Variants in CBX3 observed in about 807,000 individuals in gnomAD.
CBX3 encodes the protein chromobox protein homolog 3.
Under a neutral mutation model 22.6 loss-of-function variants are expected in CBX3, and 5 were observed. The ratio of observed to expected loss-of-function variants is 0.22; its 90% CI spans 0.12 to 0.47. CBX3 has a LOEUF of 0.47. Ranked by LOEUF, CBX3 falls within the 20% of genes least tolerant of loss-of-function variation. CBX3 has a pLI of 0.99. For missense variants in CBX3, 83 were observed against 208.1 expected (o/e 0.40, Z 3.70); for synonymous variants, 50 against 66.6 (o/e 0.75, Z 1.21).
At chr7:26,207,865 G>A (rs1349663775) in intron 3 of CBX3, among the ~76,000 whole-genome samples, 1 of 151,596 alleles carries the variant, frequency 6.6e-6, no homozygotes, top group Non-Finnish European at 1.5e-5. Flanking sequence ...GACTTTTATT[G>A]TCCTCTACCC....
intron 4 of CBX3, among the ~76,000 whole-genome samples, chr7:26,211,041 C>T (rs1268881199): frequency 8.2e-6 from 1 of 122,230 alleles, no homozygotes; most frequent in East Asian, 2.3e-4. Context: ...GAGGGCTACA[C>T]ATAAAATAGA....
intron 3 of CBX3, chr7:26,208,184 T>C (rs976264259): frequency 1.0e-5 from 4 of 389,160 alleles, no homozygotes; most frequent in Non-Finnish European, 1.9e-5. Context: ...ATTCCACTAC[T>C]GCACTCTCGT....
chr7:26,208,618 TTTTG>T (rs769354936), intron 4 of CBX3, 63 bp downstream of exon 4: 281 of 1,466,306 alleles, frequency 1.9e-4, no homozygotes, highest in Admixed American at 1.4e-3. Context: ...TTGATTTCTT[TTTTG>T]TTTGTTTGTT....
intron 4 of CBX3, chr7:26,210,482 C>G (rs765191649): frequency 6.6e-6 from 1 of 152,084 alleles, no homozygotes; most frequent in Non-Finnish European, 1.5e-5. Flanking sequence ...CCACACAGCT[C>G]GTAAGTGGGG....
chr7:26,210,483 G>A (rs1312813903), intron 4 of CBX3: 5 of 152,264 alleles, frequency 3.3e-5, no homozygotes, highest in Middle Eastern at 6.8e-3. Context: ...CACACAGCTC[G>A]TAAGTGGGGT....
chr7:26,210,483 G>C (rs1312813903), intron 4 of CBX3: 1 of 152,146 alleles, frequency 6.6e-6, no homozygotes, highest in African/African-American at 2.4e-5. Flanking sequence ...CACACAGCTC[G>C]TAAGTGGGGT....
chr7:26,212,288 A>G lies in CBX3; in HGVS notation c.*80A>G, dbSNP rs1784818675. 1.2e-6 allele frequency: 1 copy of G among 829,480 alleles called. No individual in the cohort carries two copies. Among genetic ancestry groups the G allele is most frequent in the Admixed American group, 4.6e-5 (1 of 21,754 alleles). 51.4% of individuals were successfully genotyped at this position (829,480 alleles called of 1,614,324 possible). A position where few individuals can be genotyped will look rare whatever the true frequency, so the allele number is the denominator to read the frequency against. ...TAGATTTTGATTTACTAGTGTGACA[A>G]AATAACTACATCCTAATGAAAATCA... On this transcript the variant is annotated 3_prime_UTR_variant, in exon 6 of 6. Transcript: ENST00000396386.
chr7:26,212,963 T>C lies in CBX3; in HGVS notation c.*755T>C, dbSNP rs1784843452. On this transcript the variant is annotated 3_prime_UTR_variant, in exon 6 of 6. Transcript: ENST00000396386. ...TTTTAACTAGCTAAACAAAACTAAG[T>C]TAAATGAACATTTAAAAGTTTCCCT... 1 of 152,268 alleles carries C rather than the reference T, an allele frequency of 6.6e-6. No homozygotes were observed. The highest frequency in any genetic ancestry group is 2.4e-5 in the African/African-American group (1 of 41,464). The allele number at this position is 152,268 out of a possible 1,614,324, so 9.4% of individuals were successfully genotyped here. A position where few individuals can be genotyped will look rare whatever the true frequency, so the allele number is the denominator to read the frequency against.
In CBX3 at chr7:26,212,303, A is replaced by AG. The variant is rs1784819371; in HGVS notation, c.*95_*96insG. ...TAGTGTGACAAAATAACTACATCCT[A>AG]ATGAAAATCAAGTTTGATATGTTTG... is the stretch of plus-strand genomic sequence containing the variant. On this transcript the variant is annotated 3_prime_UTR_variant, in exon 6 of 6. Transcript: ENST00000396386. 1 of 778,898 alleles carries AG rather than the reference A, an allele frequency of 1.3e-6. No individual in the cohort carries two copies. Among genetic ancestry groups the AG allele is most frequent in the South Asian group, 6.7e-5 (1 of 15,032 alleles). The allele number at this position is 778,898 out of a possible 1,614,324, so 48.2% of individuals were successfully genotyped here. A position where few individuals can be genotyped will look rare whatever the true frequency, so the allele number is the denominator to read the frequency against.
intron 2 of CBX3, among the ~76,000 whole-genome samples, chr7:26,205,019 C>G (rs1407203522): frequency 6.6e-6 from 1 of 152,088 alleles, no homozygotes; most frequent in Non-Finnish European, 1.5e-5. Flanking sequence ...AAACTCCTGA[C>G]CTCAGATGAT....
In CBX3 at chr7:26,212,077, A is replaced by T. The variant is rs535995523; in HGVS notation, c.426-5A>T. ...GTAACTGAATTTTTCTTTTTCTTAA[A>T]ACAGGAAAGATTCAGATGAGGCAGA... is the stretch of plus-strand genomic sequence containing the variant. On this transcript the variant is annotated splice_polypyrimidine_tract_variant and splice_region_variant and intron_variant, in intron 5 of 5. Coordinates refer to ENST00000396386, the MANE Select transcript of CBX3 (RefSeq NM_016587.4). 1 of 1,530,764 alleles carries T rather than the reference A, an allele frequency of 6.5e-7. No individual in the cohort carries two copies. Among genetic ancestry groups the T allele is most frequent in the South Asian group, 1.3e-5 (1 of 76,650 alleles). The allele number at this position is 1,530,764 out of a possible 1,614,324, so 94.8% of individuals were successfully genotyped here. A position where few individuals can be genotyped will look rare whatever the true frequency, so the allele number is the denominator to read the frequency against.
chr7:26,206,321 A>C, intron 2 of CBX3, 47 bp from the exon 3 acceptor site: 1 of 1,336,750 alleles, frequency 7.5e-7, no homozygotes, highest in Non-Finnish European at 1.0e-6. Context: ...AAATGTGCTC[A>C]AAATTCAAGA....
chr7:26,208,505 T>G lies in CBX3; in HGVS notation c.280T>G (p.Leu94Val). The change falls in exon 4 of 6, where the codon TTA becomes GTA. Residue 94 changes from leucine (L) to valine (V), a missense_variant. Physicochemically the swap from Leu to Val is conservative, Grantham distance 32. Around this residue, in one of 3 missense-constraint regions of CBX3, gnomAD observed 59 missense variants for 155.0 expected, o/e 0.38. Transcript: ENST00000396386. ...KEKDGTKRKS[L>V]SDSESDDSKS... The stretch of plus-strand genomic sequence containing the variant: ...AAAAGATGGTACAAAAAGAAAATCT[T>G]TATCTGACAGTGAATCTGATGACAG... 1 of 1,613,922 alleles carries G rather than the reference T, an allele frequency of 6.2e-7. No homozygotes were observed. Among genetic ancestry groups the G allele is most frequent in the Non-Finnish European group, 8.5e-7 (1 of 1,179,834 alleles).
At position 26,206,407 on chromosome 7, in the gene CBX3, G is replaced by A. The variant is rs371590498; in HGVS notation, c.64G>A (p.Val22Ile). The A allele has an allele frequency of 2.1e-4, 339 of 1,613,050 alleles. No homozygotes were observed. The highest frequency in any genetic ancestry group is 1.2e-3 in the Middle Eastern group (7 of 5,792). The change falls in exon 3 of 6, where the codon GTT (valine) becomes ATT (isoleucine). Residue 22 changes from valine to isoleucine, a missense_variant. Val to Ile is a conservative substitution (Grantham distance 29). Transcript: ENST00000396386. ...GKKQNGKSKK[V>I]EEAEPEEFVV... The stretch of plus-strand genomic sequence containing the variant: ...AAAACAGAATGGAAAGAGTAAAAAA[G>A]TTGAAGAGGCAGAGCCTGAAGAATT...
chr7:26,203,375 C>T (rs1206748424), intron 2 of CBX3, among the ~76,000 whole-genome samples: 1 of 152,006 alleles, frequency 6.6e-6, no homozygotes, highest in African/African-American at 2.4e-5. Flanking sequence ...TCTTAAATCC[C>T]CAGAATTCTG....
chr7:26,212,319 G>A lies in CBX3; in HGVS notation c.*111G>A. The A allele has an allele frequency of 5.7e-6, 4 of 704,468 alleles. No homozygotes were observed. The highest frequency in any genetic ancestry group is 5.7e-6 in the Non-Finnish European group (3 of 527,930). The allele number at this position is 704,468 out of a possible 1,614,324, so 43.6% of individuals were successfully genotyped here. ...CTACATCCTAATGAAAATCAAGTTT[G>A]ATATGTTTGTTTTGAAAGTAGCGTT... On this transcript the variant is annotated 3_prime_UTR_variant, in exon 6 of 6. Coordinates refer to ENST00000396386, the MANE Select transcript of CBX3 (RefSeq NM_016587.4).
intron 2 of CBX3, 98 bp downstream of exon 2, chr7:26,203,120 A>G (rs1352193828): frequency 1.4e-6 from 1 of 717,462 alleles, no homozygotes; most frequent in African/African-American, 1.9e-5. Flanking sequence ...ATTTACATCC[A>G]CATATTTCCC....
intron 4 of CBX3, among the ~76,000 whole-genome samples, chr7:26,211,437 T>G (rs1240400755): frequency 6.6e-6 from 1 of 152,186 alleles, no homozygotes; most frequent in Non-Finnish European, 1.5e-5. Context: ...TTTTCTTGAC[T>G]TTTTATTCTG....
At chr7:26,209,526 A>G (rs1293224780) in intron 4 of CBX3, among the ~76,000 whole-genome samples, 1 of 152,298 alleles carries the variant, frequency 6.6e-6, no homozygotes, top group East Asian at 1.9e-4. Flanking sequence ...ATTATAGTCC[A>G]TCAATGGCAT....
Sources: allele counts gnomAD v4.1 joint callset (sites outside exome capture counted in the v4.1 genomes callset), GRCh38; gene constraint gnomAD v4.1.1; regional missense constraint gnomAD v4.1.1; transcripts MANE v1.5; gene names NCBI Gene and HGNC (gene_info 2026-07-23, HGNC 2026-07-21).